CTU1: variants seen among roughly 807,000 people sequenced by gnomAD.
CTU1 encodes cytosolic thiouridylase subunit 1.
In CTU1, 15 loss-of-function variants were observed where a neutral mutation model predicts 12.9. The ratio of observed to expected loss-of-function variants is 1.16; its 90% CI spans 0.78 to 1.79. The LOEUF is 1.79. CTU1 is among the 40% of genes most tolerant of loss of function. CTU1 has a pLI of 0.00. For missense variants in CTU1, 553 were observed against 550.5 expected, an observed-to-expected ratio of 1.00 and a Z score of -0.05; for synonymous variants, 295 against 275.6, an observed-to-expected ratio of 1.07 and a Z score of -0.70.
chr19:51,102,160 C>A (rs867614360), intron 2 of CTU1, among the ~76,000 whole-genome samples: 17 of 152,256 alleles, frequency 1.1e-4, no homozygotes. Context: ...CCCACCACCA[C>A]ACTCAGCTAA....
intron 2 of CTU1, among the ~76,000 whole-genome samples, chr19:51,102,481 C>T (rs569555021): frequency 8.3e-4 from 127 of 152,334 alleles, no homozygotes; most frequent in African/African-American, 3.1e-3. Context: ...AGCATGGTGG[C>T]ACATGACAGC....
In CTU1 at chr19:51,098,841, C is replaced by T. The variant is rs750123687; in HGVS notation, c.807G>A (p.Ser269=). The change falls in exon 3 of 3, where the codon TCG becomes TCA. Residue 269 remains serine, a synonymous_variant. Coordinates refer to ENST00000421832, the MANE Select transcript of CTU1 (RefSeq NM_145232.4). The surrounding 1 kb of genome is among the most constrained non-coding windows in gnomAD (Gnocchi z 4.3). ...RPSAVLDLVH[S]AERLALAPAA... ...CCGGGGCCAGCGCCAGGCGCTCGGCCGAGTGCACGAGGTCCAGCACCGCGG... is the reference window on the plus strand; with the variant it reads ...CCGGGGCCAGCGCCAGGCGCTCGGCTGAGTGCACGAGGTCCAGCACCGCGG... 10 of 1,221,278 alleles carry T rather than the reference C, an allele frequency of 8.2e-6. No homozygotes were observed. Among genetic ancestry groups the T allele is most frequent in the Middle Eastern group, 3.3e-4 (1 of 3,000 alleles). 75.7% of individuals were successfully genotyped at this position (1,221,278 alleles called of 1,614,324 possible). A position where few individuals can be genotyped will look rare whatever the true frequency, so the allele number is the denominator to read the frequency against.
chr19:51,098,596 A>G lies in CTU1; in HGVS notation c.*5T>C. On this transcript the variant is annotated 3_prime_UTR_variant, in exon 3 of 3. Transcript: ENST00000421832. This position sits in a 1 kb window ranked among gnomAD's most constrained non-coding sequence, Gnocchi z 4.3. Reference sequence around the variant, plus strand: ...CATCAGATCCCGGCGGGAGGCCCGAAGTCGCTAGAAGGTGGGGACGGCCTT... The same window carrying G: ...CATCAGATCCCGGCGGGAGGCCCGAGGTCGCTAGAAGGTGGGGACGGCCTT... 7.8e-7 allele frequency: 1 copy of G among 1,278,350 alleles called. No individual in the cohort carries two copies. The highest frequency in any genetic ancestry group is 9.9e-7 in the Non-Finnish European group (1 of 1,009,812). 79.2% of individuals were successfully genotyped at this position (1,278,350 alleles called of 1,614,324 possible). A position where few individuals can be genotyped will look rare whatever the true frequency, so the allele number is the denominator to read the frequency against.
intron 2 of CTU1, among the ~76,000 whole-genome samples, 159 bp downstream of exon 2, chr19:51,103,903 T>G (rs2122796204): frequency 6.6e-6 from 1 of 152,286 alleles, no homozygotes; most frequent in African/African-American, 2.4e-5. Context: ...CATGCGCCCT[T>G]CCGCACCTCC....
chr19:51,100,906 T>G (rs993092682), intron 2 of CTU1, among the ~76,000 whole-genome samples: 2 of 144,836 alleles, frequency 1.4e-5, no homozygotes, highest in Non-Finnish European at 1.5e-5. Flanking sequence ...TTTTTTATGG[T>G]TTTTTTTTTT....
chr19:51,098,593 C>G lies in CTU1; in HGVS notation c.*8G>C. On this transcript the variant is annotated 3_prime_UTR_variant, in exon 3 of 3. Transcript: ENST00000421832. This position sits in a 1 kb window ranked among gnomAD's most constrained non-coding sequence, Gnocchi z 4.3. ...CGGCATCAGATCCCGGCGGGAGGCC[C>G]GAAGTCGCTAGAAGGTGGGGACGGC... is the stretch of plus-strand genomic sequence containing the variant. 1 of 1,276,636 alleles carries G rather than the reference C, an allele frequency of 7.8e-7. No individual in the cohort carries two copies. The highest frequency in any genetic ancestry group is 2.4e-5 in the South Asian group (1 of 41,534). The allele number at this position is 1,276,636 out of a possible 1,614,324, so 79.1% of individuals were successfully genotyped here. A position where few individuals can be genotyped will look rare whatever the true frequency, so the allele number is the denominator to read the frequency against.
In CTU1 at chr19:51,103,208, T is replaced by A. The variant is rs143400559; in HGVS notation, c.508+854A>T. ...TCATAGTCCTGTTTTAGGGATGGGGTGAAACAGAAGTACAGAGTGGTTAAG... is the reference window on the plus strand; with the variant it reads ...TCATAGTCCTGTTTTAGGGATGGGGAGAAACAGAAGTACAGAGTGGTTAAG... On this transcript the variant is annotated intron_variant, in intron 2 of 2. Transcript: ENST00000421832. 3.8e-3 allele frequency among the ~76,000 whole-genome samples: 584 copies of A among 152,224 alleles called. 5 individuals carry two copies. The highest frequency in any genetic ancestry group is 0.013 in the African/African-American group (557 of 41,520).
intron 1 of CTU1, among the ~76,000 whole-genome samples, chr19:51,106,634 T>G (rs1279461306): frequency 6.6e-6 from 1 of 151,756 alleles, no homozygotes; most frequent in Non-Finnish European, 1.5e-5. Context: ...GCCACCCGAG[T>G]AACTGGGACT....
At position 51,099,038 on chromosome 19, in the gene CTU1, C is replaced by T. The variant is rs770771525; in HGVS notation, c.610G>A (p.Gly204Arg). Residue 204 changes from glycine (G) to arginine (R), a missense_variant, in exon 3 of 3, where the codon GGG (glycine) becomes AGG (arginine). Around this residue, in one of 2 missense-constraint regions of CTU1, gnomAD observed 500 missense variants for 458.5 expected, o/e 1.09. Coordinates refer to ENST00000421832, the MANE Select transcript of CTU1 (RefSeq NM_145232.4). ...GGGCGGCAGCGCGGCAGGGCGCCCC[C>T]CTCGCCGGGAGAGCCCAGGCCCCCG... is the stretch of plus-strand genomic sequence containing the variant. Reference protein sequence around the residue: ...RGGGLGSPGEGGALPRCRPLQ... With the variant: ...RGGGLGSPGERGALPRCRPLQ... 3 of 1,511,402 alleles carry T rather than the reference C, an allele frequency of 2.0e-6. No homozygotes were observed. Among genetic ancestry groups the T allele is most frequent in the African/African-American group, 1.4e-5 (1 of 70,408 alleles). The allele number at this position is 1,511,402 out of a possible 1,614,324, so 93.6% of individuals were successfully genotyped here.
At chr19:51,107,037 C>T (rs10405562) in intron 1 of CTU1, among the ~76,000 whole-genome samples, 70,060 of 151,914 alleles carry the variant, frequency 0.46, 16,364 homozygotes, top group East Asian at 0.64. Flanking sequence ...CAGGACGTAA[C>T]GTCACCCTGG....
intron 2 of CTU1, among the ~76,000 whole-genome samples, chr19:51,102,854 G>C (rs1472875498): frequency 6.6e-6 from 1 of 152,016 alleles, no homozygotes; most frequent in Non-Finnish European, 1.5e-5. Flanking sequence ...TCTTCACTGT[G>C]AGCCTTCAGA....
In CTU1 at chr19:51,098,976, G is replaced by T. The variant is rs368793980; in HGVS notation, c.672C>A (p.Tyr224Ter). The change falls in exon 3 of 3, where the codon TAC (tyrosine) becomes TAA (stop). Residue 224 changes from tyrosine to a stop codon, truncating the protein, a stop_gained. Transcript: ENST00000421832. LOFTEE classifies it high-confidence loss of function. The surrounding 1 kb of genome is among the most constrained non-coding windows in gnomAD (Gnocchi z 4.3). ...AGTAGTCGAGGCGGCGGAAGTGCGCGTACAGCACCACCTCCTTCTGCGAGG... is the reference window on the plus strand; with the variant it reads ...AGTAGTCGAGGCGGCGGAAGTGCGCTTACAGCACCACCTCCTTCTGCGAGG... ...QFASQKEVVL[Y>*]AHFRRLDYFS... is the part of the protein sequence containing the mutation. 1 of 1,544,028 alleles carries T rather than the reference G, an allele frequency of 6.5e-7. No individual in the cohort carries two copies. The highest frequency in any genetic ancestry group is 1.4e-5 in the African/African-American group (1 of 71,394).
chr19:51,107,623 A>G (rs1210833796), intron 1 of CTU1, among the ~76,000 whole-genome samples: 2 of 152,298 alleles, frequency 1.3e-5, no homozygotes, highest in African/African-American at 2.4e-5. Flanking sequence ...TGGAGCCCAC[A>G]GGACTTGTAT....
intron 1 of CTU1, among the ~76,000 whole-genome samples, chr19:51,106,016 T>G (rs764246808): frequency 1.3e-4 from 20 of 152,222 alleles, no homozygotes; most frequent in Non-Finnish European, 2.6e-4. Context: ...CCCACAGGTC[T>G]CCTGCTCCCG....
At chr19:51,103,982 C>T in intron 2 of CTU1, 80 bp downstream of exon 2, 2 of 1,318,522 alleles carry the variant, frequency 1.5e-6, no homozygotes, top group Non-Finnish European at 2.0e-6. Flanking sequence ...CCTGAATCCC[C>T]TTTCAGGTCC....
intron 1 of CTU1, among the ~76,000 whole-genome samples, chr19:51,107,092 G>C (rs1052160080): frequency 5.9e-5 from 9 of 152,100 alleles, no homozygotes; most frequent in Non-Finnish European, 1.2e-4. Flanking sequence ...CCCAGTCCTG[G>C]GGGGTCCACG....
chr19:51,099,316 G>C (rs1331600584), intron 2 of CTU1, among the ~76,000 whole-genome samples, 177 bp from the exon 3 acceptor site: 1 of 152,112 alleles, frequency 6.6e-6, no homozygotes, highest in African/African-American at 2.4e-5. Flanking sequence ...GACGGGGAGA[G>C]CAAGCCATGG....
rs543662328 is a variant in CTU1 at position 51,098,997 on chromosome 19, C to T, written c.651G>A (p.Ser217=). ...LPRCRPLQFA[S]QKEVVLYAHF... ...GCGCGTACAGCACCACCTCCTTCTG[C>T]GAGGCGAACTGCAGCGGGCGGCAGC... Residue 217 remains serine, a synonymous_variant, in exon 3 of 3, where the codon TCG becomes TCA. Coordinates refer to ENST00000421832, the MANE Select transcript of CTU1 (RefSeq NM_145232.4). This position sits in a 1 kb window ranked among gnomAD's most constrained non-coding sequence, Gnocchi z 4.3. The T allele has an allele frequency of 1.5e-4, 237 of 1,536,924 alleles. 4 individuals are homozygous for T. The South Asian group carries it at 2.7e-3, about 17-fold the overall frequency.
At chr19:51,102,616 C>T (rs1375509394) in intron 2 of CTU1, among the ~76,000 whole-genome samples, 1 of 152,236 alleles carries the variant, frequency 6.6e-6, no homozygotes. Context: ...CCTGTCCCTC[C>T]AACCCAGGTT....
Sources: gnomAD v4.1 joint callset for allele counts (sites outside exome capture counted in the v4.1 genomes callset) on GRCh38, gnomAD v4.1.1 for gene constraint, gnomAD v4.1.1 regional missense constraint, Gnocchi (gnomAD v3.1) non-coding constraint, MANE v1.5 for transcripts, NCBI Gene and HGNC (gene_info 2026-07-23, HGNC 2026-07-21) for gene names.